Variants in ETV5 observed in about 807,000 individuals in gnomAD.
The protein encoded by ETV5 is ETS variant transcription factor 5.
ETV5 carries 10 observed loss-of-function variants against 70.0 expected under a neutral mutation model. The observed-to-expected ratio is 0.14, with a 90% CI of 0.09 to 0.24. ETV5 has a LOEUF of 0.24. Ranked by LOEUF, ETV5 falls within the 10% of genes least tolerant of loss-of-function variation. The pLI is 1.00. For synonymous variants in ETV5, 216 were observed against 242.2 expected (o/e 0.89, Z 1.01); for missense variants, 453 against 651.2 (o/e 0.70, Z 3.31).
Position 186,048,465 on chromosome 3 carries a change from C to T in ETV5, c.*174G>A, listed in dbSNP as rs1712935161. 1.6e-6 allele frequency: 1 copy of T among 620,508 alleles called. No individual in the cohort carries two copies. Among genetic ancestry groups the T allele is most frequent in the Non-Finnish European group, 2.8e-6 (1 of 353,512 alleles). The allele number at this position is 620,508 out of a possible 1,614,324, so 38.4% of individuals were successfully genotyped here. A position where few individuals can be genotyped will look rare whatever the true frequency, so the allele number is the denominator to read the frequency against. On this transcript the variant is annotated 3_prime_UTR_variant, in exon 13 of 13. Transcript: ENST00000306376. Reference sequence around the variant, plus strand: ...TTCTGCCCCTCCCTGTTCCCACTCCCCAGCCAATGTATCTGTCTTTAAGGG... The same window carrying T: ...TTCTGCCCCTCCCTGTTCCCACTCCTCAGCCAATGTATCTGTCTTTAAGGG...
At chr3:186,086,350 T>G (rs938448315) in intron 5 of ETV5, among the ~76,000 whole-genome samples, 2 of 152,190 alleles carry the variant, frequency 1.3e-5, no homozygotes, top group African/African-American at 2.4e-5. Flanking sequence ...ACTCCTTAGA[T>G]TTTTCTATCT....
intron 7 of ETV5, 93 bp downstream of exon 7, chr3:186,079,724 C>G: frequency 7.3e-7 from 1 of 1,363,582 alleles, no homozygotes; most frequent in South Asian, 1.4e-5. Flanking sequence ...TTTTTAGGAA[C>G]CTGGTAAATA....
In ETV5 at chr3:186,057,413, G is replaced by C. The variant is rs1187482516; in HGVS notation, c.1039+10C>G. 1 of 1,613,770 alleles carries C rather than the reference G, an allele frequency of 6.2e-7. No homozygotes were observed. Among genetic ancestry groups the C allele is most frequent in the Non-Finnish European group, 8.5e-7 (1 of 1,179,714 alleles). On this transcript the variant is annotated intron_variant, in intron 10 of 12. Coordinates refer to ENST00000306376, the MANE Select transcript of ETV5 (RefSeq NM_004454.3). The surrounding 1 kb of genome is among the most constrained non-coding windows in gnomAD (Gnocchi z 4.9). ...CTACCTGGCAACAAACCTTGGATGG[G>C]GCTACTTACCTTCCAGTCTCTCAGG...
At chr3:186,066,127 T>C (rs1015040025) in intron 7 of ETV5, 55 bp from the exon 8 acceptor site, 19 of 1,484,460 alleles carry the variant, frequency 1.3e-5, no homozygotes, top group South Asian at 4.1e-5. Flanking sequence ...ATTCCTACTA[T>C]GATTGAGCAC....
chr3:186,064,133 T>C (rs1453678126), intron 9 of ETV5: 3 of 447,478 alleles, frequency 6.7e-6, no homozygotes, highest in East Asian at 3.6e-5. Context: ...GTTGGGGTCA[T>C]TGCTAATGAA....
chr3:186,062,301 C>T (rs1328759842), intron 9 of ETV5, among the ~76,000 whole-genome samples: 2 of 152,180 alleles, frequency 1.3e-5, no homozygotes, highest in South Asian at 2.1e-4. Flanking sequence ...CTTACAGCCA[C>T]GTGCCCTTGG....
chr3:186,092,665 A>G (rs1315325945), intron 5 of ETV5, among the ~76,000 whole-genome samples: 2 of 151,470 alleles, frequency 1.3e-5, no homozygotes, highest in African/African-American at 2.4e-5. Flanking sequence ...ATCTCCTGGC[A>G]TCATATGATC....
At position 186,109,039 on chromosome 3, in the gene ETV5, C is replaced by G. The variant is rs1287271672; in HGVS notation, c.-174G>C. 2 of 152,758 alleles carry G rather than the reference C, an allele frequency of 1.3e-5. No individual in the cohort carries two copies. Among genetic ancestry groups the G allele is most frequent in the African/African-American group, 2.4e-5 (1 of 41,462 alleles). The allele number at this position is 152,758 out of a possible 1,614,324, so 9.5% of individuals were successfully genotyped here. A position where few individuals can be genotyped will look rare whatever the true frequency, so the allele number is the denominator to read the frequency against. Reference sequence around the variant, plus strand: ...TGGGCGCCTGGGCGAAAGGCTGGGCCGAACCGCTCCGAAGACGGTGAACCG... The same window carrying G: ...TGGGCGCCTGGGCGAAAGGCTGGGCGGAACCGCTCCGAAGACGGTGAACCG... On this transcript the variant is annotated 5_prime_UTR_variant, in exon 1 of 13. Transcript: ENST00000306376.
intron 7 of ETV5, among the ~76,000 whole-genome samples, 190 bp from the exon 8 acceptor site, chr3:186,066,262 CA>C (rs10681607): frequency 6.3e-4 from 60 of 94,896 alleles, no homozygotes; most frequent in South Asian, 1.3e-3. Context: ...CAGGAAGTGG[CA>C]AAAAAAAAAA....
intron 5 of ETV5, among the ~76,000 whole-genome samples, chr3:186,103,123 C>T (rs1473714634): frequency 6.6e-6 from 1 of 152,110 alleles, no homozygotes; most frequent in Admixed American, 6.5e-5. Flanking sequence ...CCTTAAAAGA[C>T]AGAAAGGCTC....
chr3:186,070,237 T>A (rs112549551), intron 7 of ETV5, among the ~76,000 whole-genome samples: 1 of 152,200 alleles, frequency 6.6e-6, no homozygotes, highest in East Asian at 1.9e-4. Flanking sequence ...CCTTCGAAGG[T>A]GACCTCCAGA....
At chr3:186,079,489 A>C (rs1713878109) in intron 7 of ETV5, 1 of 292,576 alleles carries the variant, frequency 3.4e-6, no homozygotes, top group African/African-American at 2.2e-5. Context: ...TCCAATGAGG[A>C]GTCAGGAACC....
chr3:186,082,008 A>C (rs1387581781), intron 5 of ETV5, among the ~76,000 whole-genome samples: 2 of 152,256 alleles, frequency 1.3e-5, no homozygotes, highest in African/African-American at 4.8e-5. Flanking sequence ...CTGAGAGGGC[A>C]GAGTAACAAG....
At position 186,057,819 on chromosome 3, in the gene ETV5, G is replaced by A. The variant is rs1713204068; in HGVS notation, c.971-328C>T. Among the ~76,000 whole-genome samples, 1 of 152,160 alleles carries A rather than the reference G, an allele frequency of 6.6e-6. No individual in the cohort carries two copies. The highest frequency in any genetic ancestry group is 2.4e-5 in the African/African-American group (1 of 41,442). On this transcript the variant is annotated intron_variant, in intron 9 of 12. Transcript: ENST00000306376. The surrounding 1 kb of genome is among the most constrained non-coding windows in gnomAD (Gnocchi z 4.9). The stretch of plus-strand genomic sequence containing the variant: ...TTGCTCTGACTAAGCCTTTACAGCT[G>A]GAAACACATCTCTATTTCAGTTGGC...
chr3:186,066,370 G>C (rs1359617882), intron 7 of ETV5, among the ~76,000 whole-genome samples: 1 of 150,656 alleles, frequency 6.6e-6, no homozygotes, highest in African/African-American at 2.4e-5. Context: ...TTATGTATCT[G>C]AATATATGAG....
intron 1 of ETV5, chr3:186,108,608 C>T (rs1240583079): frequency 8.3e-7 from 1 of 1,200,044 alleles, no homozygotes. Flanking sequence ...CTCGAATCTC[C>T]AGAGACTGTG....
intron 9 of ETV5, among the ~76,000 whole-genome samples, chr3:186,062,559 T>C (rs537473951): frequency 1.3e-5 from 2 of 152,066 alleles, no homozygotes; most frequent in African/African-American, 4.8e-5. Flanking sequence ...GAGGCAGACG[T>C]TGCAATGAGC....
intron 12 of ETV5, among the ~76,000 whole-genome samples, chr3:186,050,551 GTGATAAAA>G (rs1713003383): frequency 6.6e-6 from 1 of 152,142 alleles, no homozygotes; most frequent in Non-Finnish European, 1.5e-5. Context: ...TCTTTTTGGG[GTGATAAAA>G]TGTTCTGAAA....
intron 1 of ETV5, among the ~76,000 whole-genome samples, chr3:186,106,772 G>GT (rs765040767): frequency 2.6e-5 from 4 of 152,126 alleles, no homozygotes; most frequent in Non-Finnish European, 5.9e-5. Context: ...TTCAGGACGG[G>GT]TAAGTGTGTG....
Sources: allele counts gnomAD v4.1 joint callset (sites outside exome capture counted in the v4.1 genomes callset), GRCh38; gene constraint gnomAD v4.1.1; non-coding constraint Gnocchi (gnomAD v3.1); transcripts MANE v1.5; gene names NCBI Gene and HGNC (gene_info 2026-07-23, HGNC 2026-07-21).